Variants in CDK15 observed in about 807,000 individuals in gnomAD.
CDK15 encodes the protein cyclin-dependent kinase 15.
In CDK15, 62 loss-of-function variants were observed where a neutral mutation model predicts 60.3. The observed-to-expected ratio is 1.03, with a 90% CI of 0.84 to 1.27. The LOEUF is 1.27. Among genes scored for constraint, CDK15 ranks in the 50% most tolerant of loss-of-function variants. The pLI, the probability that CDK15 is intolerant of heterozygous loss-of-function variation, is 0.00. For synonymous variants in CDK15, 194 were observed against 195.7 expected, an observed-to-expected ratio of 0.99 and a Z score of 0.07; for missense variants, 541 against 527.8, an observed-to-expected ratio of 1.03 and a Z score of -0.25.
upstream of CDK15, chr2:201,806,491 T>G (rs989899916): frequency 1.7e-6 from 1 of 595,362 alleles, no homozygotes. Context: ...TGGAGTTTCT[T>G]GCACTGATAA....
At chr2:201,889,468 A>G (rs1699567021) in intron 12 of CDK15, 3 of 946,974 alleles carry the variant, frequency 3.2e-6, no homozygotes, top group Non-Finnish European at 3.8e-6. Context: ...GGTGTTTTGC[A>G]TATATTATCT....
At chr2:201,889,336 G>A (rs972322052) in intron 12 of CDK15, 21 of 985,156 alleles carry the variant, frequency 2.1e-5, no homozygotes, top group Admixed American at 6.2e-5. Flanking sequence ...TAAATTTTGC[G>A]GATGTGCTTT....
At chr2:201,857,348 T>C (rs974632824) in intron 10 of CDK15, among the ~76,000 whole-genome samples, 1 of 151,804 alleles carries the variant, frequency 6.6e-6, no homozygotes, top group East Asian at 1.9e-4. Context: ...AGAAGAAAAG[T>C]CTCCAGGCCC....
At chr2:201,845,845 A>AAGAGAG (rs71407901) in intron 8 of CDK15, among the ~76,000 whole-genome samples, 1 of 92,046 alleles carries the variant, frequency 1.1e-5, no homozygotes, top group South Asian at 4.0e-4. Flanking sequence ...AAAAAAAAAA[A>AAGAGAG]AGAGAGAGAG....
intron 6 of CDK15, among the ~76,000 whole-genome samples, chr2:201,828,732 G>T (rs1186600595): frequency 6.6e-6 from 1 of 152,188 alleles, no homozygotes; most frequent in Non-Finnish European, 1.5e-5. Flanking sequence ...GCCCATCCCA[G>T]GCAAGCCACC....
At chr2:201,846,106 A>T (rs1697652110) in intron 8 of CDK15, among the ~76,000 whole-genome samples, 1 of 152,112 alleles carries the variant, frequency 6.6e-6, no homozygotes, top group Non-Finnish European at 1.5e-5. Context: ...GCACCTTATA[A>T]TCAGTAGCAT....
chr2:201,888,707 A>T, intron 12 of CDK15: 1 of 1,293,064 alleles, frequency 7.7e-7, no homozygotes, highest in East Asian at 3.2e-5. Context: ...ATGTTCTGCC[A>T]GATAGTGTCT....
intron 11 of CDK15, among the ~76,000 whole-genome samples, chr2:201,873,658 G>T (rs899193771): frequency 6.6e-6 from 1 of 152,186 alleles, no homozygotes; most frequent in Non-Finnish European, 1.5e-5. Context: ...CTTTTCTGAC[G>T]ATATAGCACC....
intron 9 of CDK15, among the ~76,000 whole-genome samples, chr2:201,853,985 C>T (rs1483558877): frequency 6.6e-6 from 1 of 151,974 alleles, no homozygotes; most frequent in Non-Finnish European, 1.5e-5. Context: ...CACGGTGAAA[C>T]CCCGTCTCTA....
At chr2:201,885,349 T>G (rs1699418452) in intron 12 of CDK15, among the ~76,000 whole-genome samples, 1 of 152,182 alleles carries the variant, frequency 6.6e-6, no homozygotes, top group Non-Finnish European at 1.5e-5. Context: ...TTTCAGGGGC[T>G]GGGGATGTTG....
In CDK15 at chr2:201,835,722, T is replaced by A; in HGVS notation, c.810T>A (p.Ala270=). Residue 270 remains alanine, a synonymous_variant, in exon 8 of 14, where the codon GCT becomes GCA. Transcript: ENST00000652192. ...CCCTCTGGTACCGGCCCCCTGATGC[T>A]TTGCTGGGAGCCACTGAATATTCCT... The part of the protein sequence containing the change: ...VVTLWYRPPD[A]LLGATEYSSE... 6.2e-7 allele frequency: 1 copy of A among 1,610,462 alleles called. No homozygotes were observed. Among genetic ancestry groups the A allele is most frequent in the Non-Finnish European group, 8.5e-7 (1 of 1,177,702 alleles).
intron 9 of CDK15, among the ~76,000 whole-genome samples, chr2:201,850,826 A>G (rs1011211163): frequency 6.6e-6 from 1 of 152,160 alleles, no homozygotes; most frequent in Admixed American, 6.5e-5. Context: ...AATAGTTATG[A>G]GGCAATATCT....
rs559103925 is a variant in CDK15 at position 201,820,437 on chromosome 2, C to T, written c.449-2372C>T. Among the ~76,000 whole-genome samples the T allele has an allele frequency of 4.3e-4, 65 of 152,272 alleles. 2 individuals carry two copies. The East Asian group carries it at 0.012, about 28-fold the overall frequency. ...TCTAATTTGCCTCTGTAATGCTTTA[C>T]ATTTACCAAGGTTCCACAAATGGTA... On this transcript the variant is annotated intron_variant, in intron 4 of 13. Transcript: ENST00000652192.
chr2:201,819,144 G>A (rs1696114765), intron 4 of CDK15, among the ~76,000 whole-genome samples: 1 of 152,114 alleles, frequency 6.6e-6, no homozygotes, highest in South Asian at 2.1e-4. Context: ...GGTGGGATGG[G>A]GTGGAGGGCT....
Position 201,872,289 on chromosome 2 carries a change from C to T in CDK15, c.1021C>T (p.Leu341=), listed in dbSNP as rs199955601. 1.4e-5 allele frequency: 22 copies of T among 1,614,112 alleles called. No individual in the cohort carries two copies. Among genetic ancestry groups the T allele is most frequent in the Non-Finnish European group, 1.7e-5 (20 of 1,180,000 alleles). Reference sequence around the variant, plus strand: ...TGTATGCTTCCCAGAATGGTTCCCACTGCCTACGCCTCGAAGCCTTCATGT... The same window carrying T: ...TGTATGCTTCCCAGAATGGTTCCCATTGCCTACGCCTCGAAGCCTTCATGT... ...LPNYNPEWFP[L]PTPRSLHVVW... Residue 341 remains leucine, a synonymous_variant, in exon 11 of 14, where the codon CTG becomes TTG. Coordinates refer to ENST00000652192, the MANE Select transcript of CDK15 (RefSeq NM_001366386.2).
intron 4 of CDK15, among the ~76,000 whole-genome samples, chr2:201,813,629 TA>T (rs940076147): frequency 6.6e-6 from 1 of 152,194 alleles, no homozygotes; most frequent in Non-Finnish European, 1.5e-5. Context: ...GTTACAAGTG[TA>T]TAAAAGACAT....
At chr2:201,823,854 A>G (rs1696343110) in intron 6 of CDK15, 127 bp downstream of exon 6, 2 of 751,886 alleles carry the variant, frequency 2.7e-6, no homozygotes, top group South Asian at 2.1e-5. Flanking sequence ...GATATTCCAG[A>G]AAAAAGTTTT....
intron 9 of CDK15, among the ~76,000 whole-genome samples, chr2:201,847,865 G>C (rs574560066): frequency 6.6e-6 from 1 of 152,282 alleles, no homozygotes; most frequent in Admixed American, 6.5e-5. Context: ...AGAATTTTTA[G>C]CTGGGTGCAG....
chr2:201,864,786 G>T (rs1026909267), intron 10 of CDK15, among the ~76,000 whole-genome samples: 1 of 152,218 alleles, frequency 6.6e-6, no homozygotes, highest in Non-Finnish European at 1.5e-5. Flanking sequence ...TTAACATTTT[G>T]AGATTAAGGT....
Sources: allele counts gnomAD v4.1 joint callset (sites outside exome capture counted in the v4.1 genomes callset), GRCh38; gene constraint gnomAD v4.1.1; transcripts MANE v1.5; gene names NCBI Gene and HGNC (gene_info 2026-07-23, HGNC 2026-07-21).